Variants in NEGR1 observed in about 807,000 individuals in gnomAD.
The protein encoded by NEGR1 is neuronal growth regulator 1.
Under a neutral mutation model 40.9 loss-of-function variants are expected in NEGR1, and 10 were observed. That is an observed-to-expected ratio of 0.24 (90% confidence interval 0.15 to 0.42). The LOEUF (loss-of-function observed/expected upper bound fraction) is 0.42. Among genes scored for constraint, NEGR1 ranks in the 10% least tolerant of loss-of-function variants. NEGR1 has a pLI of 1.00. For missense variants in NEGR1, 352 were observed against 438.9 expected, an observed-to-expected ratio of 0.80 and a Z score of 1.77; for synonymous variants, 185 against 166.8, an observed-to-expected ratio of 1.11 and a Z score of -0.84.
intron 2 of NEGR1, among the ~76,000 whole-genome samples, chr1:71,929,055 T>C (rs1181718594): frequency 2.0e-5 from 3 of 152,244 alleles, no homozygotes; most frequent in South Asian, 2.1e-4. Context: ...AGCCAAATTA[T>C]AGAGAGCAAA....
intron 6 of NEGR1, among the ~76,000 whole-genome samples, chr1:71,424,209 A>T (rs1380738594): frequency 2.6e-5 from 4 of 152,220 alleles, no homozygotes; most frequent in African/African-American, 9.6e-5. Flanking sequence ...AAGTGTAATG[A>T]CCCAAAACTA....
rs979891234 is a variant in NEGR1, at chr1:71,933,346, C to G, written c.409+1733G>C. Among the ~76,000 whole-genome samples the G allele has an allele frequency of 2.4e-4, 37 of 151,940 alleles. 1 individual carries two copies. Among genetic ancestry groups the G allele is most frequent in the Admixed American group, 2.1e-3 (32 of 15,248 alleles). On this transcript the variant is annotated intron_variant, in intron 2 of 6. Transcript: ENST00000357731. ...TTTAAAATATAGACCTAATATGGAA[C>G]AAGAGAGAATGGAAAAAGGAAAATG...
intron 2 of NEGR1, among the ~76,000 whole-genome samples, chr1:71,866,948 T>C (rs981729301): frequency 1.5e-4 from 23 of 152,358 alleles, no homozygotes; most frequent in Admixed American, 1.4e-3. Context: ...TCCTTTTTGT[T>C]ATTGTGATTA....
intron 1 of NEGR1, among the ~76,000 whole-genome samples, chr1:72,155,872 C>A (rs1178572351): frequency 1.3e-5 from 2 of 152,042 alleles, no homozygotes; most frequent in African/African-American, 2.4e-5. Flanking sequence ...TAGCTATTAA[C>A]ATGATACAAC....
chr1:71,474,517 T>TACACACACACACACAC (rs57225665), intron 6 of NEGR1, among the ~76,000 whole-genome samples: 1 of 115,444 alleles, frequency 8.7e-6, no homozygotes, highest in Non-Finnish European at 1.7e-5. Context: ...CTACTAACAA[T>TACACACACACACACAC]ACACACACAC....
intron 1 of NEGR1, among the ~76,000 whole-genome samples, chr1:72,046,484 A>G (rs1395768780): frequency 6.6e-6 from 1 of 151,684 alleles, no homozygotes; most frequent in East Asian, 1.9e-4. Context: ...AAAATGATAA[A>G]TAAATTATAG....
chr1:71,882,896 T>C (rs373545188), intron 2 of NEGR1, among the ~76,000 whole-genome samples: 114 of 152,164 alleles, frequency 7.5e-4, no homozygotes, highest in African/African-American at 2.4e-3. Context: ...TTGAGAGTCA[T>C]GTTACCTACT....
At position 72,119,298 on chromosome 1, in the gene NEGR1, G is replaced by T. The variant is rs542670576; in HGVS notation, c.176+163021C>A. On this transcript the variant is annotated intron_variant, in intron 1 of 6. Transcript: ENST00000357731. ...TTTCCTAATGTCACACAGTGAGCGA[G>T]CTGAATAGCAAACTGAGGAATTAGT... is the stretch of plus-strand genomic sequence containing the variant. Among the ~76,000 whole-genome samples, 3 of 151,906 alleles carry T rather than the reference G, an allele frequency of 2.0e-5. No individual in the cohort carries two copies. The South Asian group carries it at 6.2e-4, about 31-fold the overall frequency.
chr1:71,672,898 G>A (rs1307176066), intron 4 of NEGR1, among the ~76,000 whole-genome samples: 1 of 152,162 alleles, frequency 6.6e-6, no homozygotes, highest in African/African-American at 2.4e-5. Context: ...TTGGCGGGAT[G>A]TTGAGGACAT....
intron 3 of NEGR1, among the ~76,000 whole-genome samples, chr1:71,707,075 G>T (rs1211634548): frequency 1.3e-5 from 2 of 152,160 alleles, no homozygotes; most frequent in African/African-American, 4.8e-5. Flanking sequence ...AGCCAGAGGG[G>T]AATTGCCAAT....
At chr1:71,540,959 GCC>G (rs1450851504) in intron 6 of NEGR1, among the ~76,000 whole-genome samples, 1 of 151,344 alleles carries the variant, frequency 6.6e-6, no homozygotes, top group Non-Finnish European at 1.5e-5. Flanking sequence ...AGGTCGGGGA[GCC>G]ACACACTTTT....
chr1:72,034,042 G>T, intron 1 of NEGR1, among the ~76,000 whole-genome samples: 1 of 152,132 alleles, frequency 6.6e-6, no homozygotes, highest in Admixed American at 6.5e-5. Context: ...GTTACTGCAG[G>T]TATTTCAGGA....
chr1:71,925,246 A>G (rs1374755684), intron 2 of NEGR1, among the ~76,000 whole-genome samples: 1 of 152,206 alleles, frequency 6.6e-6, no homozygotes, highest in East Asian at 1.9e-4. Flanking sequence ...TACAAATTTC[A>G]TCAGATTTTC....
intron 6 of NEGR1, among the ~76,000 whole-genome samples, chr1:71,512,582 C>G (rs924979530): frequency 4.7e-5 from 7 of 149,646 alleles, no homozygotes; most frequent in African/African-American, 1.7e-4. Flanking sequence ...AAATACTAAT[C>G]GATTTTTTTT....
chr1:72,255,889 T>G (rs952891873), intron 1 of NEGR1, among the ~76,000 whole-genome samples: 2 of 152,164 alleles, frequency 1.3e-5, no homozygotes, highest in South Asian at 4.1e-4. Context: ...TACATGGAAA[T>G]GTAGAAAACA....
intron 4 of NEGR1, among the ~76,000 whole-genome samples, chr1:71,625,773 G>A (rs534771421): frequency 1.9e-3 from 292 of 151,834 alleles, no homozygotes; most frequent in African/African-American, 6.7e-3. Flanking sequence ...TGGACATATC[G>A]TGTGCCTCTA....
chr1:72,279,460 G>T (rs1570219208), intron 1 of NEGR1, among the ~76,000 whole-genome samples: 2 of 150,050 alleles, frequency 1.3e-5, no homozygotes, highest in South Asian at 4.2e-4. Flanking sequence ...GACACTGTGA[G>T]GAATATGTTA....
intron 1 of NEGR1, among the ~76,000 whole-genome samples, chr1:71,968,375 G>C (rs780747125): frequency 6.6e-6 from 1 of 152,186 alleles, no homozygotes; most frequent in Non-Finnish European, 1.5e-5. Flanking sequence ...GTTGCGGTCA[G>C]TTAGTGAGTT....
At chr1:72,199,263 TG>T (rs35669105) in intron 1 of NEGR1, among the ~76,000 whole-genome samples, 72,612 of 150,804 alleles carry the variant, frequency 0.48, 18,170 homozygotes, top group African/African-American at 0.59. Context: ...TGCGCTACTC[TG>T]GGGGGGGTGC....
Sources: allele counts gnomAD v4.1 joint callset (sites outside exome capture counted in the v4.1 genomes callset), GRCh38; gene constraint gnomAD v4.1.1; transcripts MANE v1.5; gene names NCBI Gene and HGNC (gene_info 2026-07-23, HGNC 2026-07-21).